Variants in SCAPER observed in about 807,000 individuals in gnomAD.
SCAPER encodes the protein S-phase cyclin A associated protein in the ER.
Under a neutral mutation model 182.2 loss-of-function variants are expected in SCAPER, and 98 were observed. The observed-to-expected ratio is 0.54, with a 90% CI of 0.46 to 0.64. The LOEUF (loss-of-function observed/expected upper bound fraction) is 0.64, where lower values mean the gene tolerates loss of function less well. SCAPER is among the 30% of genes least tolerant of loss of function. The pLI is 0.00. For missense variants in SCAPER, 1,432 were observed against 1,690.0 expected (o/e 0.85, Z 2.68); for synonymous variants, 605 against 564.6 (o/e 1.07, Z -1.01).
intron 14 of SCAPER, among the ~76,000 whole-genome samples, chr15:76,760,947 TTA>T (rs1420077550): frequency 6.6e-6 from 1 of 152,194 alleles, no homozygotes; most frequent in Non-Finnish European, 1.5e-5. Flanking sequence ...TACTTCTCCT[TTA>T]TATGTTTCAT....
Position 76,600,385 on chromosome 15 carries a change from ATATGTG to A in SCAPER, c.2711+21373_2711+21378del, listed in dbSNP as rs1220160116. Among the ~76,000 whole-genome samples, 27 of 38,456 alleles carry A rather than the reference ATATGTG, an allele frequency of 7.0e-4. 6 individuals carry two copies. The highest frequency in any genetic ancestry group is 1.5e-3 in the Non-Finnish European group (18 of 12,122). The allele number at this position is 38,456 out of a possible 152,430, so 25.2% of individuals were successfully genotyped here. A position where few individuals can be genotyped will look rare whatever the true frequency, so the allele number is the denominator to read the frequency against. ...AATAGCATACTTGGAAAGTGTGTGT[ATATGTG>A]TGTGTGTGTGTGTGTGTGTGTGTGT... On this transcript the variant is annotated intron_variant, in intron 22 of 31. Transcript: ENST00000563290.
At chr15:76,818,276 T>A (rs1478065864) in intron 5 of SCAPER, among the ~76,000 whole-genome samples, 6 of 152,220 alleles carry the variant, frequency 3.9e-5, no homozygotes, top group Non-Finnish European at 8.8e-5. Context: ...ACAGAACTTA[T>A]AATCTTCACA....
intron 29 of SCAPER, among the ~76,000 whole-genome samples, chr15:76,369,624 T>C (rs2042017074): frequency 6.6e-6 from 1 of 152,216 alleles, no homozygotes; most frequent in Non-Finnish European, 1.5e-5. Flanking sequence ...TGCTGAAAAC[T>C]AAACTTACCA....
intron 23 of SCAPER, among the ~76,000 whole-genome samples, chr15:76,554,937 T>C (rs868603522): frequency 8.6e-5 from 13 of 152,018 alleles, no homozygotes; most frequent in African/African-American, 2.7e-4. Flanking sequence ...CGTGCCAACA[T>C]GCCCAGCTAA....
At chr15:76,698,434 C>T (rs1030529149) in intron 20 of SCAPER, among the ~76,000 whole-genome samples, 1 of 152,118 alleles carries the variant, frequency 6.6e-6, no homozygotes, top group African/African-American at 2.4e-5. Context: ...CTGGACTAAT[C>T]TAATGCCAAA....
At position 76,559,175 on chromosome 15, in the gene SCAPER, T is replaced by C. The variant is rs375534593; in HGVS notation, c.2838+14983A>G. 1.1e-3 allele frequency among the ~76,000 whole-genome samples: 168 copies of C among 151,288 alleles called. 1 individual carries two copies. In the East Asian group the frequency reaches 0.03, roughly 27 times the overall value. Reference sequence around the variant, plus strand: ...TTAGCCTGCTGAGTAGCTGGGATTATAGGCACCCACCACCACACCCAGCTA... The same window carrying C: ...TTAGCCTGCTGAGTAGCTGGGATTACAGGCACCCACCACCACACCCAGCTA... On this transcript the variant is annotated intron_variant, in intron 23 of 31. Coordinates refer to ENST00000563290, the MANE Select transcript of SCAPER (RefSeq NM_020843.4).
At chr15:76,886,251 G>A (rs2073833881) in intron 1 of SCAPER, among the ~76,000 whole-genome samples, 1 of 152,188 alleles carries the variant, frequency 6.6e-6, no homozygotes, top group African/African-American at 2.4e-5. Flanking sequence ...AGGCCGAGGT[G>A]GGCAGATCAC....
rs932197784 is a variant in SCAPER, at chr15:76,451,167, T to A, written c.3079-16857A>T. On this transcript the variant is annotated intron_variant, in intron 25 of 31. Coordinates refer to ENST00000563290, the MANE Select transcript of SCAPER (RefSeq NM_020843.4). ...TTCTGCAGTATGAATAATGTTTCCA[T>A]GAATTCTGAATAATTCATCCATGTT... 2.0e-5 allele frequency among the ~76,000 whole-genome samples: 3 copies of A among 152,384 alleles called. No individual in the cohort carries two copies. The East Asian group carries it at 5.8e-4, about 29-fold the overall frequency.
intron 26 of SCAPER, among the ~76,000 whole-genome samples, chr15:76,430,097 G>A (rs1489592769): frequency 1.3e-5 from 2 of 152,236 alleles, no homozygotes; most frequent in Admixed American, 6.5e-5. Context: ...CTTCCATGTG[G>A]TGTTGAGCCT....
Position 76,607,209 on chromosome 15 carries a change from C to T in SCAPER, c.2711+14555G>A, listed in dbSNP as rs540885622. Among the ~76,000 whole-genome samples, 22 of 151,656 alleles carry T rather than the reference C, an allele frequency of 1.5e-4. No individual in the cohort carries two copies. The South Asian group carries it at 2.3e-3, about 16-fold the overall frequency. ...CTTCAGGAGCTCTTTTAGGGCAGGCCTGGTGGTGACAAAATCTCTCAGCAT... is the reference window on the plus strand; with the variant it reads ...CTTCAGGAGCTCTTTTAGGGCAGGCTTGGTGGTGACAAAATCTCTCAGCAT... On this transcript the variant is annotated intron_variant, in intron 22 of 31. Coordinates refer to ENST00000563290, the MANE Select transcript of SCAPER (RefSeq NM_020843.4).
intron 4 of SCAPER, among the ~76,000 whole-genome samples, chr15:76,848,606 T>C (rs953232078): frequency 2.0e-5 from 3 of 152,128 alleles, no homozygotes; most frequent in Non-Finnish European, 4.4e-5. Context: ...AGTGCTGGGA[T>C]TATAGGCGTG....
At chr15:76,472,181 T>G in intron 24 of SCAPER, 1 of 478,074 alleles carries the variant, frequency 2.1e-6, no homozygotes, top group South Asian at 1.7e-5. Context: ...TAAGGTTGTC[T>G]GCTTAACCTG....
chr15:76,862,628 AAAC>A (rs1336927444), intron 2 of SCAPER, 95 bp from the exon 3 acceptor site: 26 of 745,752 alleles, frequency 3.5e-5, no homozygotes, highest in Non-Finnish European at 4.9e-5. Flanking sequence ...CTCAGAAAGA[AAAC>A]ACTTAAAACT....
At chr15:76,444,292 A>G (rs1418057870) in intron 25 of SCAPER, among the ~76,000 whole-genome samples, 1 of 152,172 alleles carries the variant, frequency 6.6e-6, no homozygotes, top group African/African-American at 2.4e-5. Context: ...TTGCACTGAC[A>G]TGGTTAAATT....
At chr15:76,621,933 A>C in intron 21 of SCAPER, 104 bp from the exon 22 acceptor site, 1 of 734,198 alleles carries the variant, frequency 1.4e-6, no homozygotes, top group Non-Finnish European at 2.3e-6. Context: ...CACTAAGCCT[A>C]TTAAATCTGG....
At chr15:76,576,198 C>T (rs563556090) in intron 22 of SCAPER, among the ~76,000 whole-genome samples, 2 of 152,134 alleles carry the variant, frequency 1.3e-5, no homozygotes, top group East Asian at 3.9e-4. Context: ...CCAGTTTCTA[C>T]AAAAAATAAG....
chr15:76,791,705 A>G (rs2065017949), intron 8 of SCAPER, among the ~76,000 whole-genome samples: 2 of 152,098 alleles, frequency 1.3e-5, no homozygotes, highest in African/African-American at 4.8e-5. Context: ...ACCTAGCAGA[A>G]AGCAGCAGCT....
intron 22 of SCAPER, among the ~76,000 whole-genome samples, chr15:76,613,359 T>C (rs1257695521): frequency 6.6e-6 from 1 of 152,110 alleles, no homozygotes; most frequent in African/African-American, 2.4e-5. Flanking sequence ...GACACAGGCA[T>C]GGGCAAAGAT....
At chr15:76,413,300 A>G (rs1486413382) in intron 26 of SCAPER, among the ~76,000 whole-genome samples, 3 of 152,170 alleles carry the variant, frequency 2.0e-5, no homozygotes, top group African/African-American at 4.8e-5. Context: ...CAGTCTGTGT[A>G]TTCCTAATCT....
Sources: allele counts gnomAD v4.1 joint callset (sites outside exome capture counted in the v4.1 genomes callset), GRCh38; gene constraint gnomAD v4.1.1; transcripts MANE v1.5; gene names NCBI Gene and HGNC (gene_info 2026-07-23, HGNC 2026-07-21).